The following C2orf74 variants were observed in gnomAD, a reference collection of about 807,000 sequenced individuals.
C2orf74 encodes the protein DPM1 ER membrane anchor 1, also known as uncharacterized protein C2orf74.
C2orf74 carries 14 observed loss-of-function variants against 17.9 expected under a neutral mutation model. The ratio of observed to expected loss-of-function variants is 0.78; its 90% CI spans 0.52 to 1.22. The LOEUF (loss-of-function observed/expected upper bound fraction) is 1.22, where lower values mean the gene tolerates loss of function less well. Among genes scored for constraint, C2orf74 ranks in the 50% most tolerant of loss-of-function variants. The pLI is 0.00. For missense variants in C2orf74, 217 were observed against 218.4 expected, an observed-to-expected ratio of 0.99 and a Z score of 0.04; for synonymous variants, 79 against 72.6, an observed-to-expected ratio of 1.09 and a Z score of -0.44.
intron 1 of C2orf74, among the ~76,000 whole-genome samples, chr2:61,156,569 A>G (rs955838832): frequency 6.6e-6 from 1 of 152,190 alleles, no homozygotes; most frequent in Non-Finnish European, 1.5e-5. Flanking sequence ...TATTAATAAA[A>G]GCAGTACGTT....
In C2orf74 at chr2:61,164,711, T is replaced by A. The variant is rs1360208305; in HGVS notation, c.*184T>A. 1 of 445,440 alleles carries A rather than the reference T, an allele frequency of 2.2e-6. No individual in the cohort carries two copies. The highest frequency in any genetic ancestry group is 3.8e-6 in the Non-Finnish European group (1 of 262,854). 27.6% of individuals were successfully genotyped at this position (445,440 alleles called of 1,614,324 possible). ...TTCTGTAAGTAAAATACTTAGAGCT[T>A]GAATATAATTTTTTAAAAATTCAAA... On this transcript the variant is annotated 3_prime_UTR_variant, in exon 5 of 5. Transcript: ENST00000432605.
At chr2:61,154,478 A>G (rs1685337175) in intron 1 of C2orf74, among the ~76,000 whole-genome samples, 1 of 152,128 alleles carries the variant, frequency 6.6e-6, no homozygotes. Context: ...TGAATCAACC[A>G]TGGGCTTTAG....
chr2:61,149,030 C>A (rs1334164890), intron 1 of C2orf74, among the ~76,000 whole-genome samples: 1 of 152,190 alleles, frequency 6.6e-6, no homozygotes, highest in East Asian at 1.9e-4. Context: ...GTTTTCAAAA[C>A]AAACAAGAAG....
upstream of C2orf74, chr2:61,158,069 A>G: frequency 2.2e-6 from 1 of 460,898 alleles, no homozygotes; most frequent in Non-Finnish European, 4.5e-6. Flanking sequence ...TCTGACCCCA[A>G]CATGGCAGAT....
chr2:61,161,273 A>T (rs1420792186), upstream of C2orf74, among the ~76,000 whole-genome samples: 1 of 152,174 alleles, frequency 6.6e-6, no homozygotes, highest in Non-Finnish European at 1.5e-5. Flanking sequence ...GAGTTGTAGG[A>T]GTTCTTCATA....
At position 61,162,913 on chromosome 2, in the gene C2orf74, C is replaced by T. The variant is rs1340583859; in HGVS notation, c.167C>T (p.Ala56Val). 6.4e-7 allele frequency: 1 copy of T among 1,552,494 alleles called. No homozygotes were observed. Among genetic ancestry groups the T allele is most frequent in the East Asian group, 2.4e-5 (1 of 41,068 alleles). ...CTDANGGVDC[A>V]AAKVVTSNPE... ...GATGCAAACGGAGGTGTAGACTGTG[C>T]AGCTGCCAAAGTGGTGACAAGCAAT... Residue 56 changes from alanine (A) to valine (V), a missense_variant, in exon 3 of 5, where the codon GCA (alanine) becomes GTA (valine). Transcript: ENST00000432605.
intron 1 of C2orf74, among the ~76,000 whole-genome samples, chr2:61,150,290 A>G (rs751422464): frequency 2.0e-5 from 3 of 152,162 alleles, no homozygotes; most frequent in Admixed American, 1.3e-4. Context: ...TTTAGATTCT[A>G]GTGAGGTCTT....
chr2:61,150,628 A>G (rs1685197622), intron 1 of C2orf74, among the ~76,000 whole-genome samples: 1 of 152,184 alleles, frequency 6.6e-6, no homozygotes, highest in Admixed American at 6.5e-5. Context: ...TCAGGAAAAC[A>G]AAGCTGACTG....
At chr2:61,152,056 A>C (rs1685242949) in intron 1 of C2orf74, 3 of 152,320 alleles carry the variant, frequency 2.0e-5, no homozygotes. Context: ...GGTGAGTCTC[A>C]TTTGGAGTCT....
upstream of C2orf74, among the ~76,000 whole-genome samples, chr2:61,158,439 A>G (rs1392768498): frequency 6.6e-6 from 1 of 152,210 alleles, no homozygotes; most frequent in Non-Finnish European, 1.5e-5. Context: ...CATAAGTGAC[A>G]AGGTGTTTTC....
intron 1 of C2orf74, among the ~76,000 whole-genome samples, chr2:61,149,574 C>CTTTTTTTTTTTTTTTTTTT (rs70959895): frequency 1.2e-5 from 1 of 80,022 alleles, no homozygotes; most frequent in Non-Finnish European, 2.3e-5. Flanking sequence ...GGGCGCCTTT[C>CTTTTTTTTTTTTTTTTTTT]TTTTTTTTTT....
At chr2:61,149,752 A>AT (rs1685172873) in intron 1 of C2orf74, among the ~76,000 whole-genome samples, 1 of 151,334 alleles carries the variant, frequency 6.6e-6, no homozygotes. Flanking sequence ...CTAATTTTGT[A>AT]TTTTTTTAGT....
Position 61,164,563 on chromosome 2 carries a change from C to T in C2orf74, c.*36C>T, listed in dbSNP as rs1223179972. On this transcript the variant is annotated 3_prime_UTR_variant, in exon 5 of 5. Transcript: ENST00000432605. ...AGGGTAAGAGTGAAAGAAAATGTAACGTTTGACTAACGTTGAAAGACTGAG... is the reference window on the plus strand; with the variant it reads ...AGGGTAAGAGTGAAAGAAAATGTAATGTTTGACTAACGTTGAAAGACTGAG... 8.4e-6 allele frequency: 12 copies of T among 1,434,872 alleles called. No homozygotes were observed. The highest frequency in any genetic ancestry group is 2.9e-5 in the Admixed American group (1 of 34,304). The allele number at this position is 1,434,872 out of a possible 1,614,324, so 88.9% of individuals were successfully genotyped here.
chr2:61,160,572 G>C (rs1212249048), upstream of C2orf74, among the ~76,000 whole-genome samples: 1 of 150,886 alleles, frequency 6.6e-6, no homozygotes, highest in Non-Finnish European at 1.5e-5. Context: ...GCAATGGCAC[G>C]ATCTTGGCTC....
intron 1 of C2orf74, among the ~76,000 whole-genome samples, chr2:61,152,647 G>C (rs1213907389): frequency 5.9e-5 from 9 of 151,816 alleles, no homozygotes; most frequent in Non-Finnish European, 1.0e-4. Flanking sequence ...TCAGGAGTTC[G>C]AGATCAGCCT....
At chr2:61,154,669 C>A (rs1226449851) in intron 1 of C2orf74, among the ~76,000 whole-genome samples, 1 of 152,142 alleles carries the variant, frequency 6.6e-6, no homozygotes, top group Non-Finnish European at 1.5e-5. Flanking sequence ...TTTTGCCCAA[C>A]AGTTACCAAA....
Position 61,162,413 on chromosome 2 carries a change from T to C in C2orf74, c.-99-3T>C, listed in dbSNP as rs1685588017. The C allele has an allele frequency of 1.1e-6, 1 of 874,958 alleles. No individual in the cohort carries two copies. The highest frequency in any genetic ancestry group is 1.8e-6 in the Non-Finnish European group (1 of 561,684). 54.2% of individuals were successfully genotyped at this position (874,958 alleles called of 1,614,324 possible). ...AAACAGCTTTTTATTCCTCTGTTTCTAGAAAACTTAAAGAACAAGAGAACT... is the reference window on the plus strand; with the variant it reads ...AAACAGCTTTTTATTCCTCTGTTTCCAGAAAACTTAAAGAACAAGAGAACT... On this transcript the variant is annotated splice_polypyrimidine_tract_variant and splice_region_variant and intron_variant, in intron 1 of 4. Transcript: ENST00000432605.
upstream of C2orf74, among the ~76,000 whole-genome samples, chr2:61,158,257 G>T (rs1019259301): frequency 2.0e-5 from 3 of 152,158 alleles, no homozygotes; most frequent in African/African-American, 7.2e-5. Flanking sequence ...TAGAAAACAG[G>T]TTTTGTTAAC....
intron 1 of C2orf74, among the ~76,000 whole-genome samples, chr2:61,154,725 T>G (rs1404056094): frequency 6.6e-6 from 1 of 152,120 alleles, no homozygotes; most frequent in African/African-American, 2.4e-5. Flanking sequence ...AGGTTACCAA[T>G]CATGGGCCAT....
Sources: allele counts gnomAD v4.1 joint callset (sites outside exome capture counted in the v4.1 genomes callset), GRCh38; gene constraint gnomAD v4.1.1; transcripts MANE v1.5; gene names NCBI Gene and HGNC (gene_info 2026-07-23, HGNC 2026-07-21).